Variants in NLRP3 observed in about 807,000 individuals in gnomAD.
NLRP3 encodes the protein NLR family pyrin domain containing 3.
Under a neutral mutation model 91.3 loss-of-function variants are expected in NLRP3, and 48 were observed. The ratio of observed to expected loss-of-function variants is 0.53; its 90% CI spans 0.42 to 0.67. The LOEUF is 0.67. NLRP3 is among the 30% of genes least tolerant of loss of function. NLRP3 has a pLI of 0.00. For synonymous variants in NLRP3, 561 were observed against 507.9 expected (o/e 1.10, Z -1.41); for missense variants, 982 against 1,276.9 (o/e 0.77, Z 3.52).
chr1:247,445,989 C>A (rs1011282091), intron 9 of NLRP3, among the ~76,000 whole-genome samples: 1 of 151,748 alleles, frequency 6.6e-6, no homozygotes, highest in Non-Finnish European at 1.5e-5. Context: ...GTTTAATAAA[C>A]CTCTCAAACG....
At chr1:247,438,115 C>T (rs1663924104) in intron 7 of NLRP3, among the ~76,000 whole-genome samples, 1 of 152,196 alleles carries the variant, frequency 6.6e-6, no homozygotes, top group East Asian at 1.9e-4. Context: ...AGTTTATTGC[C>T]TCTCAGTTCA....
chr1:247,439,545 C>CACA, intron 7 of NLRP3, among the ~76,000 whole-genome samples: 1 of 152,146 alleles, frequency 6.6e-6, no homozygotes, highest in East Asian at 1.9e-4. Flanking sequence ...TGTGAAAGAA[C>CACA]ACAAGTCATG....
intron 9 of NLRP3, among the ~76,000 whole-genome samples, chr1:247,448,011 CT>C (rs112008153): frequency 0.21 from 30,037 of 144,152 alleles, 3,454 homozygotes; most frequent in African/African-American, 0.33. Flanking sequence ...GCACTTAGAG[CT>C]TTTTTTTTTT....
At chr1:247,448,357 CAG>C (rs201053423) in intron 9 of NLRP3, 46 bp from the exon 10 acceptor site, 49,788 of 923,698 alleles carry the variant, frequency 0.054, 1,609 homozygotes, top group South Asian at 0.094. Context: ...ACGACTCTGA[CAG>C]AGTTATCTGA....
At chr1:247,419,142 CT>C in intron 2 of NLRP3, 65 bp downstream of exon 2, 1 of 1,205,552 alleles carries the variant, frequency 8.3e-7, no homozygotes, top group Non-Finnish European at 1.1e-6. Flanking sequence ...AATTTTCCAT[CT>C]TTATATATAT....
chr1:247,440,182 G>C (rs908936396), intron 7 of NLRP3, among the ~76,000 whole-genome samples: 5 of 152,148 alleles, frequency 3.3e-5, no homozygotes, highest in African/African-American at 1.2e-4. Flanking sequence ...CCTCATCTCT[G>C]GCTGCATATT....
chr1:247,422,160 C>T (rs929126854), intron 2 of NLRP3, among the ~76,000 whole-genome samples: 3 of 152,056 alleles, frequency 2.0e-5, no homozygotes, highest in Non-Finnish European at 2.9e-5. Context: ...GGGAGGATTG[C>T]TTGAGCCCAG....
chr1:247,424,556 G>A lies in NLRP3; in HGVS notation c.1107G>A (p.Leu369=), dbSNP rs759443097. The A allele has an allele frequency of 1.2e-6, 2 of 1,614,168 alleles. No homozygotes were observed. The highest frequency in any genetic ancestry group is 3.3e-5 in the Admixed American group (2 of 60,016). Residue 369 remains leucine, a synonymous_variant, in exon 4 of 10, where the codon CTG becomes CTA. Transcript: ENST00000336119. The surrounding 1 kb of genome is among the most constrained non-coding windows in gnomAD (Gnocchi z 8.1). ...LLDHPRHVEI[L]GFSEAKRKEY... ...ACCATCCTCGGCATGTGGAGATCCT[G>A]GGTTTCTCCGAGGCCAAAAGGAAAG...
At chr1:247,426,963 T>A (rs1384064054) in intron 4 of NLRP3, among the ~76,000 whole-genome samples, 1 of 151,462 alleles carries the variant, frequency 6.6e-6, no homozygotes, top group Non-Finnish European at 1.5e-5. Context: ...CAGTTCCGAG[T>A]GACTGGAAAA....
In NLRP3 at chr1:247,424,001, G is replaced by A. The variant is rs567402683; in HGVS notation, c.552G>A (p.Glu184=). Residue 184 remains glutamate, a synonymous_variant, in exon 4 of 10, where the codon GAG becomes GAA. Coordinates refer to ENST00000336119, the MANE Select transcript of NLRP3 (RefSeq NM_001243133.2). This position sits in a 1 kb window ranked among gnomAD's most constrained non-coding sequence, Gnocchi z 8.1. ...GGAGCCAGCAGGAGAGGGAGCAGGA[G>A]CTTCTGGCCATCGGCAAGACCAAGA... The part of the protein sequence containing the change: ...EHRSQQEREQ[E]LLAIGKTKTC... 2 of 1,614,036 alleles carry A rather than the reference G, an allele frequency of 1.2e-6. No individual in the cohort carries two copies. The highest frequency in any genetic ancestry group is 1.3e-5 in the African/African-American group (1 of 74,994).
intron 8 of NLRP3, 101 bp downstream of exon 8, chr1:247,444,243 G>C: frequency 8.1e-7 from 1 of 1,227,088 alleles, no homozygotes; most frequent in African/African-American, 1.5e-5. Flanking sequence ...TCTTAGAAGT[G>C]AGGTGTCTTC....
chr1:247,418,353 G>T lies in NLRP3; in HGVS notation c.-448G>T. On this transcript the variant is annotated 5_prime_UTR_variant, in exon 2 of 10. Transcript: ENST00000336119. ...GTCTTGCTGTGTCGCCTAGGCTGGAGTGCAGTGGCGTGATCTTGGCTCACT... is the reference window on the plus strand; with the variant it reads ...GTCTTGCTGTGTCGCCTAGGCTGGATTGCAGTGGCGTGATCTTGGCTCACT... 4.0e-6 allele frequency: 1 copy of T among 248,636 alleles called. No homozygotes were observed. Among genetic ancestry groups the T allele is most frequent in the Non-Finnish European group, 8.0e-6 (1 of 124,652 alleles). 15.4% of individuals were successfully genotyped at this position (248,636 alleles called of 1,614,324 possible).
At chr1:247,442,050 A>G (rs1446533055) in intron 7 of NLRP3, among the ~76,000 whole-genome samples, 1 of 152,216 alleles carries the variant, frequency 6.6e-6, no homozygotes, top group African/African-American at 2.4e-5. Flanking sequence ...ATTAACAACA[A>G]CCCTCTGATA....
chr1:247,424,807 G>C lies in NLRP3; in HGVS notation c.1358G>C (p.Gly453Ala). 1 of 1,609,052 alleles carries C rather than the reference G, an allele frequency of 6.2e-7. No individual in the cohort carries two copies. The highest frequency in any genetic ancestry group is 8.5e-7 in the Non-Finnish European group (1 of 1,180,006). Reference protein sequence around the residue: ...FFLSSLLQPRGGSQEHGLCAH... With the variant: ...FFLSSLLQPRAGSQEHGLCAH... ...CTTTCCAGTTTGCTGCAGCCCCGGG[G>C]AGGGAGCCAGGAGCACGGCCTCTGC... Residue 453 changes from glycine (G) to alanine (A), a missense_variant, in exon 4 of 10, where the codon GGA becomes GCA. Gly to Ala is a moderately conservative substitution (Grantham distance 60). This residue lies in a region of NLRP3 where 548 missense variants were observed against 713.7 expected (regional missense o/e 0.77). Coordinates refer to ENST00000336119, the MANE Select transcript of NLRP3 (RefSeq NM_001243133.2). This position sits in a 1 kb window ranked among gnomAD's most constrained non-coding sequence, Gnocchi z 8.1.
Position 247,425,634 on chromosome 1 carries a change from C to T in NLRP3, c.2150+35C>T, listed in dbSNP as rs1662819838. On this transcript the variant is annotated intron_variant, in intron 4 of 9. Transcript: ENST00000336119. The surrounding 1 kb of genome is among the most constrained non-coding windows in gnomAD (Gnocchi z 4.1). ...CTCGGCTTCCAGGTGCTTCCTCCTG[C>T]TTCCTCGCCAGCTTCTTCTTGGCGC... 1.9e-6 allele frequency: 3 copies of T among 1,590,578 alleles called. No homozygotes were observed. Among genetic ancestry groups the T allele is most frequent in the Non-Finnish European group, 2.6e-6 (3 of 1,172,108 alleles).
chr1:247,437,051 C>T (rs72772001), intron 7 of NLRP3, among the ~76,000 whole-genome samples: 2,741 of 152,328 alleles, frequency 0.018, 48 homozygotes, highest in Non-Finnish European at 0.031. Context: ...TGTAGACAAA[C>T]GTCTGTGACC....
In NLRP3 at chr1:247,424,373, C is replaced by T. The variant is rs780095257; in HGVS notation, c.924C>T (p.Ala308=). ...LMDGFDELQG[A]FDEHIGPLCT... ...ACGGCTTCGATGAGCTGCAAGGTGC[C>T]TTTGACGAGCACATAGGACCGCTCT... The change falls in exon 4 of 10, where the codon GCC becomes GCT. Residue 308 remains alanine (A), a synonymous_variant. Coordinates refer to ENST00000336119, the MANE Select transcript of NLRP3 (RefSeq NM_001243133.2). The surrounding 1 kb of genome is among the most constrained non-coding windows in gnomAD (Gnocchi z 8.1). 6 of 1,614,024 alleles carry T rather than the reference C, an allele frequency of 3.7e-6. No individual in the cohort carries two copies. Among genetic ancestry groups the T allele is most frequent in the Admixed American group, 1.7e-5 (1 of 59,998 alleles).
chr1:247,432,174 T>C (rs1288886677), intron 5 of NLRP3, among the ~76,000 whole-genome samples: 2 of 152,224 alleles, frequency 1.3e-5, no homozygotes, highest in African/African-American at 4.8e-5. Context: ...TGAGCCACCG[T>C]GCCCGGCCTT....
chr1:247,419,158 A>AT (rs1470801686), intron 2 of NLRP3, 81 bp downstream of exon 2: 9 of 857,550 alleles, frequency 1.0e-5, no homozygotes, highest in African/African-American at 4.7e-5. Flanking sequence ...ATATATATAT[A>AT]TATATATTTT....
Sources: gnomAD v4.1 joint callset for allele counts (sites outside exome capture counted in the v4.1 genomes callset) on GRCh38, gnomAD v4.1.1 for gene constraint, gnomAD v4.1.1 regional missense constraint, Gnocchi (gnomAD v3.1) non-coding constraint, MANE v1.5 for transcripts, NCBI Gene and HGNC (gene_info 2026-07-23, HGNC 2026-07-21) for gene names.